Variants in RAB3GAP1 observed in about 807,000 individuals in gnomAD.
RAB3GAP1 encodes rab3 GTPase-activating protein catalytic subunit.
A neutral mutation model predicts 130.7 loss-of-function variants in RAB3GAP1; 86 were observed. That is an observed-to-expected ratio of 0.66 (90% confidence interval 0.55 to 0.79). The LOEUF (loss-of-function observed/expected upper bound fraction) is 0.79, where lower values mean the gene tolerates loss of function less well. RAB3GAP1 is among the 30% of genes least tolerant of loss of function. The pLI is 0.00. For missense variants in RAB3GAP1, 1,029 were observed against 1,169.4 expected (o/e 0.88, Z 1.75); for synonymous variants, 367 against 401.7 (o/e 0.91, Z 1.03).
intron 3 of RAB3GAP1, among the ~76,000 whole-genome samples, chr2:135,077,853 G>A (rs1373266726): frequency 6.6e-6 from 1 of 152,126 alleles, no homozygotes; most frequent in Non-Finnish European, 1.5e-5. Flanking sequence ...ATGTTCTTTG[G>A]AGAAATGTTT....
At chr2:135,064,195 C>T (rs763763625) in intron 3 of RAB3GAP1, among the ~76,000 whole-genome samples, 8 of 152,022 alleles carry the variant, frequency 5.3e-5, no homozygotes, top group Admixed American at 6.6e-5. Context: ...ATTTTTGCTG[C>T]ATAGGGTTTA....
chr2:135,116,041 G>A lies in RAB3GAP1; in HGVS notation c.648+660G>A, dbSNP rs1012910670. ...AAAGCTAGATAACCAATAGTGGAAG[G>A]GATCCTCTACTTAGAGAAATATTAC... On this transcript the variant is annotated intron_variant, in intron 7 of 23. Coordinates refer to ENST00000264158, the MANE Select transcript of RAB3GAP1 (RefSeq NM_012233.3). 3.3e-5 allele frequency among the ~76,000 whole-genome samples: 5 copies of A among 152,062 alleles called. 1 individual carries two copies. In the South Asian group the frequency reaches 1.0e-3, roughly 32 times the overall value.
Position 135,081,352 on chromosome 2 carries a change from ATATATATATACACACACGTGTGTGTGTG to A in RAB3GAP1, c.151-9635_151-9608del, listed in dbSNP as rs1338139537. Among the ~76,000 whole-genome samples, 98 of 92,822 alleles carry A rather than the reference ATATATATATACACACACGTGTGTGTGTG, an allele frequency of 1.1e-3. 1 individual carries two copies. Among genetic ancestry groups the A allele is most frequent in the South Asian group, 3.2e-3 (6 of 1,882 alleles). 60.9% of individuals were successfully genotyped at this position (92,822 alleles called of 152,430 possible). A position where few individuals can be genotyped will look rare whatever the true frequency, so the allele number is the denominator to read the frequency against. ...AATATATATATATATATATATATAT[ATATATATATACACACACGTGTGTGTGTG>A]TATATATATATGTATATATGTGTGT... On this transcript the variant is annotated intron_variant, in intron 3 of 23. Transcript: ENST00000264158.
chr2:135,136,094 G>A (rs555183370), intron 17 of RAB3GAP1, among the ~76,000 whole-genome samples, 162 bp downstream of exon 17: 2 of 152,346 alleles, frequency 1.3e-5, no homozygotes, highest in East Asian at 1.9e-4. Flanking sequence ...GGGAGGCTGA[G>A]GTGGGCAGAT....
intron 3 of RAB3GAP1, chr2:135,059,168 C>A (rs952975060): frequency 2.6e-5 from 4 of 152,116 alleles, no homozygotes; most frequent in African/African-American, 9.7e-5. Context: ...TACTACACTA[C>A]ATGTGTGAAT....
intron 6 of RAB3GAP1, among the ~76,000 whole-genome samples, chr2:135,114,825 G>T (rs1690918904): frequency 6.6e-6 from 1 of 152,134 alleles, no homozygotes; most frequent in South Asian, 2.1e-4. Context: ...ATCTTTAAAT[G>T]ATGTGAAAAA....
chr2:135,129,875 T>C lies in RAB3GAP1; in HGVS notation c.974-120T>C, dbSNP rs528972986. On this transcript the variant is annotated intron_variant, in intron 11 of 23. Transcript: ENST00000264158. ...TGTTTTTTTCAATGGAAAAACTGAA[T>C]GGTTTTACTTTCTACCATATCTTAG... 303 of 702,528 alleles carry C rather than the reference T, an allele frequency of 4.3e-4. 1 individual carries two copies. Among genetic ancestry groups the C allele is most frequent in the Middle Eastern group, 4.3e-3 (11 of 2,558 alleles). 43.5% of individuals were successfully genotyped at this position (702,528 alleles called of 1,614,324 possible).
intron 5 of RAB3GAP1, among the ~76,000 whole-genome samples, chr2:135,098,173 A>C (rs1690354037): frequency 6.6e-6 from 1 of 152,118 alleles, no homozygotes; most frequent in Non-Finnish European, 1.5e-5. Context: ...AGTCTTTTGC[A>C]CATGTTTTAA....
rs370305353 is a variant in RAB3GAP1 at position 135,054,421 on chromosome 2, A to G, written c.74+1936A>G. Among the ~76,000 whole-genome samples, 3 of 152,326 alleles carry G rather than the reference A, an allele frequency of 2.0e-5. No individual in the cohort carries two copies. The East Asian group carries it at 5.8e-4, about 29-fold the overall frequency. The stretch of plus-strand genomic sequence containing the variant: ...AGACTTAACTTGATTCATAATTAGG[A>G]TGGTGATTTGTGGACTGGAATACAA... On this transcript the variant is annotated intron_variant, in intron 2 of 23. Coordinates refer to ENST00000264158, the MANE Select transcript of RAB3GAP1 (RefSeq NM_012233.3).
At chr2:135,078,964 T>C (rs1244053293) in intron 3 of RAB3GAP1, among the ~76,000 whole-genome samples, 1 of 151,922 alleles carries the variant, frequency 6.6e-6, no homozygotes, top group Non-Finnish European at 1.5e-5. Context: ...GCTTCCCAGG[T>C]TCAAGCAATT....
intron 17 of RAB3GAP1, among the ~76,000 whole-genome samples, chr2:135,136,213 C>T (rs552978231): frequency 6.6e-6 from 1 of 152,274 alleles, no homozygotes; most frequent in East Asian, 1.9e-4. Context: ...GTAGTTCCAG[C>T]TACTGGGGAG....
intron 5 of RAB3GAP1, among the ~76,000 whole-genome samples, chr2:135,098,861 T>C (rs1690373111): frequency 6.6e-6 from 1 of 152,202 alleles, no homozygotes; most frequent in Non-Finnish European, 1.5e-5. Context: ...GGAATATGGC[T>C]GATTTTGAGG....
chr2:135,109,423 TTAAAA>T (rs1038501655), intron 5 of RAB3GAP1, among the ~76,000 whole-genome samples: 4 of 152,126 alleles, frequency 2.6e-5, no homozygotes, highest in African/African-American at 9.7e-5. Flanking sequence ...TACAATTAAA[TTAAAA>T]TATTATAGTG....
rs554829951 is a variant in RAB3GAP1 at position 135,074,984 on chromosome 2, C to A, written c.151-16014C>A. ...GTCTCTTGGAACAGTTGTTCTCCCC[C>A]ACCTGGGACCCCTTCCTTGTTGCTT... On this transcript the variant is annotated intron_variant, in intron 3 of 23. Coordinates refer to ENST00000264158, the MANE Select transcript of RAB3GAP1 (RefSeq NM_012233.3). Among the ~76,000 whole-genome samples the A allele has an allele frequency of 1.7e-4, 26 of 152,290 alleles. No individual in the cohort carries two copies. The South Asian group carries it at 4.8e-3, about 28-fold the overall frequency.
intron 13 of RAB3GAP1, among the ~76,000 whole-genome samples, chr2:135,132,142 G>T (rs188636413): frequency 2.0e-3 from 299 of 152,320 alleles, no homozygotes; most frequent in African/African-American, 7.0e-3. Context: ...GTTCTATAAT[G>T]TGTGGCAAAG....
chr2:135,084,731 T>A (rs539484584), intron 3 of RAB3GAP1, among the ~76,000 whole-genome samples: 8 of 152,176 alleles, frequency 5.3e-5, no homozygotes, highest in Admixed American at 4.6e-4. Context: ...ACACCCTAAA[T>A]ACATATTAAG....
At position 135,168,846 on chromosome 2, in the gene RAB3GAP1, TACCAGGGAGA is replaced by T. The variant is rs1206324562; in HGVS notation, c.*69_*78del. 1 of 1,436,128 alleles carries T rather than the reference TACCAGGGAGA, an allele frequency of 7.0e-7. No individual in the cohort carries two copies. The highest frequency in any genetic ancestry group is 9.8e-7 in the Non-Finnish European group (1 of 1,020,052). 89.0% of individuals were successfully genotyped at this position (1,436,128 alleles called of 1,614,324 possible). ...CTGCCTCCTCCTGAGGGAGGGAAGG[TACCAGGGAGA>T]ACCTGGGAGGTCCTGGAGAGGGCCC... On this transcript the variant is annotated 3_prime_UTR_variant, in exon 24 of 24. Coordinates refer to ENST00000264158, the MANE Select transcript of RAB3GAP1 (RefSeq NM_012233.3).
intron 2 of RAB3GAP1, among the ~76,000 whole-genome samples, chr2:135,055,063 TGTG>T (rs780586925): frequency 6.6e-6 from 1 of 152,214 alleles, no homozygotes; most frequent in Non-Finnish European, 1.5e-5. Context: ...GATTTAGGGA[TGTG>T]GTGGTTAGTA....
At chr2:135,156,101 A>G (rs1692302271) in intron 19 of RAB3GAP1, among the ~76,000 whole-genome samples, 1 of 152,174 alleles carries the variant, frequency 6.6e-6, no homozygotes, top group Non-Finnish European at 1.5e-5. Flanking sequence ...ACAATTTCCT[A>G]GGGAAATTCC....
Sources: gnomAD v4.1 joint callset for allele counts (sites outside exome capture counted in the v4.1 genomes callset) on GRCh38, gnomAD v4.1.1 for gene constraint, MANE v1.5 for transcripts, NCBI Gene and HGNC (gene_info 2026-07-23, HGNC 2026-07-21) for gene names.